CAMKMT: variants seen among roughly 807,000 people sequenced by gnomAD.
CAMKMT encodes CaM KMT.
Under a neutral mutation model 48.0 loss-of-function variants are expected in CAMKMT, and 53 were observed. The observed-to-expected ratio is 1.10, with a 90% CI of 0.89 to 1.39. CAMKMT has a LOEUF of 1.39. Among genes scored for constraint, CAMKMT ranks in the 40% most tolerant of loss-of-function variants. The probability of loss-of-function intolerance (pLI) is 0.00; values close to 1 mark genes in which losing one functional copy is unlikely to be tolerated. For synonymous variants in CAMKMT, 165 were observed against 152.3 expected, an observed-to-expected ratio of 1.08 and a Z score of -0.61; for missense variants, 428 against 402.7, an observed-to-expected ratio of 1.06 and a Z score of -0.54.
intron 3 of CAMKMT, among the ~76,000 whole-genome samples, chr2:44,629,242 A>T (rs763850357): frequency 8.6e-5 from 13 of 151,906 alleles, no homozygotes; most frequent in Non-Finnish European, 1.9e-4. Flanking sequence ...TGTCTTTTTG[A>T]TGATTTGACT....
chr2:44,509,141 G>C (rs745761690), intron 3 of CAMKMT, among the ~76,000 whole-genome samples: 4 of 151,596 alleles, frequency 2.6e-5, no homozygotes, highest in African/African-American at 9.7e-5. Flanking sequence ...GCTTTAATGT[G>C]AGAACACTGA....
At chr2:44,687,754 A>G (rs1185795747) in intron 3 of CAMKMT, among the ~76,000 whole-genome samples, 1 of 152,280 alleles carries the variant, frequency 6.6e-6, no homozygotes, top group Non-Finnish European at 1.5e-5. Flanking sequence ...CTGTGGATGG[A>G]TGCATCTAAG....
rs990653644 is a variant in CAMKMT, at chr2:44,737,985, A to G, written c.624-5637A>G. On this transcript the variant is annotated intron_variant, in intron 7 of 10. Coordinates refer to ENST00000378494, the MANE Select transcript of CAMKMT (RefSeq NM_024766.5). ...ATTCTCCTGCTTCAGCCTCCCAAGTAGCTGGGATTACAGGTGCCCACCATC... is the reference window on the plus strand; with the variant it reads ...ATTCTCCTGCTTCAGCCTCCCAAGTGGCTGGGATTACAGGTGCCCACCATC... Among the ~76,000 whole-genome samples the G allele has an allele frequency of 2.0e-5, 3 of 151,676 alleles. No individual in the cohort carries two copies. In the South Asian group the frequency reaches 6.2e-4, roughly 32 times the overall value.
intron 7 of CAMKMT, among the ~76,000 whole-genome samples, chr2:44,740,002 G>A (rs1212057352): frequency 6.6e-6 from 1 of 152,098 alleles, no homozygotes; most frequent in African/African-American, 2.4e-5. Context: ...ACTGGCTGTA[G>A]ATAGGAGTAT....
At chr2:44,406,069 G>C (rs1412500272) in intron 3 of CAMKMT, among the ~76,000 whole-genome samples, 1 of 152,056 alleles carries the variant, frequency 6.6e-6, no homozygotes, top group African/African-American at 2.4e-5. Flanking sequence ...AGGGTTCTTT[G>C]GTTGTGAGCA....
rs150667583 is a variant in CAMKMT, at chr2:44,766,513, C to T, written c.846C>T (p.Ile282=). 2.7e-3 allele frequency: 4,371 copies of T among 1,614,112 alleles called. 7 individuals carry two copies. The highest frequency in any genetic ancestry group is 3.3e-3 in the Non-Finnish European group (3,868 of 1,180,006). ...TAGCTGAAAAAGCTGGTTTCTGTAT[C>T]CAAAGACATGAAAATTATGATGAAC... ...CNLAEKAGFC[I]QRHENYDEHI... is the part of the protein sequence containing the mutation. The change falls in exon 10 of 11, where the codon ATC becomes ATT. Residue 282 remains isoleucine, a synonymous_variant. Transcript: ENST00000378494.
chr2:44,434,664 C>T (rs926860450), intron 3 of CAMKMT, among the ~76,000 whole-genome samples: 2 of 152,092 alleles, frequency 1.3e-5, no homozygotes, highest in African/African-American at 4.8e-5. Flanking sequence ...AATGAAGCAG[C>T]TTTGTGTGTG....
rs1677845590 is a variant in CAMKMT at position 44,710,947 on chromosome 2, T to C, written c.556+3485T>C. On this transcript the variant is annotated intron_variant, in intron 6 of 10. Transcript: ENST00000378494. Reference sequence around the variant, plus strand: ...CTGTAAGCATCTTATCCCCAAAGTATGCACAGTGTGGATCATGATCTTGAA... The same window carrying C: ...CTGTAAGCATCTTATCCCCAAAGTACGCACAGTGTGGATCATGATCTTGAA... 2.6e-5 allele frequency among the ~76,000 whole-genome samples: 4 copies of C among 152,326 alleles called. No individual in the cohort carries two copies. In the South Asian group the frequency reaches 8.3e-4, roughly 32 times the overall value.
At chr2:44,404,439 A>G (rs1682637408) in intron 3 of CAMKMT, among the ~76,000 whole-genome samples, 1 of 151,898 alleles carries the variant, frequency 6.6e-6, no homozygotes, top group Non-Finnish European at 1.5e-5. Flanking sequence ...TATTGGCGAT[A>G]TTTTCCCCTC....
chr2:44,461,050 T>C (rs986636080), intron 3 of CAMKMT, among the ~76,000 whole-genome samples: 1 of 152,180 alleles, frequency 6.6e-6, no homozygotes, highest in Non-Finnish European at 1.5e-5. Flanking sequence ...AAGTAGAGCC[T>C]TCTCCATCTG....
chr2:44,431,168 A>G (rs1232358177), intron 3 of CAMKMT, among the ~76,000 whole-genome samples: 2 of 152,158 alleles, frequency 1.3e-5, no homozygotes, highest in African/African-American at 4.8e-5. Context: ...AAGTAAGTAT[A>G]TATATTTTTT....
intron 3 of CAMKMT, among the ~76,000 whole-genome samples, chr2:44,594,496 G>C (rs982965662): frequency 6.6e-6 from 1 of 152,188 alleles, no homozygotes; most frequent in Non-Finnish European, 1.5e-5. Flanking sequence ...AGAGGCCTCA[G>C]AAATAACACC....
rs893815264 is a variant in CAMKMT at position 44,440,142 on chromosome 2, G to C, written c.376+49837G>C. Among the ~76,000 whole-genome samples, 75 of 152,240 alleles carry C rather than the reference G, an allele frequency of 4.9e-4. 1 individual carries two copies. The highest frequency in any genetic ancestry group is 1.7e-3 in the African/African-American group (71 of 41,550). ...TTGTTGTTTGTGTTTACTTATACAG[G>C]TCTTATAAAAATGTACTCATTTGAG... On this transcript the variant is annotated intron_variant, in intron 3 of 10. Coordinates refer to ENST00000378494, the MANE Select transcript of CAMKMT (RefSeq NM_024766.5).
Position 44,435,846 on chromosome 2 carries a change from C to T in CAMKMT, c.376+45541C>T, listed in dbSNP as rs533306048. On this transcript the variant is annotated intron_variant, in intron 3 of 10. Coordinates refer to ENST00000378494, the MANE Select transcript of CAMKMT (RefSeq NM_024766.5). Reference sequence around the variant, plus strand: ...GTTCATAGTTTACCAAGTTGTATATCTTCCTTTTGGAGGTAGTCTTTGTCT... The same window carrying T: ...GTTCATAGTTTACCAAGTTGTATATTTTCCTTTTGGAGGTAGTCTTTGTCT... Among the ~76,000 whole-genome samples the T allele has an allele frequency of 2.0e-5, 3 of 152,310 alleles. No individual in the cohort carries two copies. The South Asian group carries it at 6.2e-4, about 32-fold the overall frequency.
chr2:44,420,716 T>C (rs1317066535), intron 3 of CAMKMT, among the ~76,000 whole-genome samples: 1 of 152,080 alleles, frequency 6.6e-6, no homozygotes, highest in Non-Finnish European at 1.5e-5. Flanking sequence ...GGAGCTAAAA[T>C]AATTTAATTA....
intron 3 of CAMKMT, among the ~76,000 whole-genome samples, chr2:44,620,829 C>G (rs553520674): frequency 2.2e-3 from 330 of 152,332 alleles, no homozygotes; most frequent in African/African-American, 7.4e-3. Flanking sequence ...TCAGGCTCCA[C>G]CCCTTCTTAG....
chr2:44,467,302 C>A (rs1668170851), intron 3 of CAMKMT, among the ~76,000 whole-genome samples: 2 of 152,054 alleles, frequency 1.3e-5, no homozygotes, highest in African/African-American at 2.4e-5. Flanking sequence ...GAGGCCAAGG[C>A]AGGCAGACCA....
chr2:44,453,652 C>T (rs895770534), intron 3 of CAMKMT, among the ~76,000 whole-genome samples: 10 of 152,080 alleles, frequency 6.6e-5, no homozygotes, highest in African/African-American at 9.6e-5. Context: ...TAGTTTATAG[C>T]GCAAACATTT....
chr2:44,437,838 CAAAAAA>C (rs370663723), intron 3 of CAMKMT, among the ~76,000 whole-genome samples: 1 of 120,508 alleles, frequency 8.3e-6, no homozygotes, highest in Non-Finnish European at 1.7e-5. Context: ...GACTCTGCTA[CAAAAAA>C]AAAAAAAAAA....
Sources: allele counts gnomAD v4.1 joint callset (sites outside exome capture counted in the v4.1 genomes callset), GRCh38; gene constraint gnomAD v4.1.1; transcripts MANE v1.5; gene names NCBI Gene and HGNC (gene_info 2026-07-23, HGNC 2026-07-21).